ZNF519: variants seen among roughly 807,000 people sequenced by gnomAD.
ZNF519 encodes the protein zinc finger protein 519, also known as similar to Zinc finger protein 85 (Zinc finger protein HPF4) (HTF1).
In ZNF519, 7 loss-of-function variants were observed where a neutral mutation model predicts 7.4. The ratio of observed to expected loss-of-function variants is 0.94; its 90% CI spans 0.54 to 1.77. The LOEUF is 1.77. Ranked by LOEUF, ZNF519 falls within the 40% of genes most tolerant of loss-of-function variation. The probability of loss-of-function intolerance (pLI) is 0.00; values close to 1 mark genes in which losing one functional copy is unlikely to be tolerated. For missense variants in ZNF519, 586 were observed against 623.1 expected, an observed-to-expected ratio of 0.94 and a Z score of 0.63; for synonymous variants, 179 against 203.3, an observed-to-expected ratio of 0.88 and a Z score of 1.02.
intron 2 of ZNF519, among the ~76,000 whole-genome samples, chr18:14,092,923 A>G (rs1479477526): frequency 6.6e-6 from 1 of 152,210 alleles, no homozygotes; most frequent in African/African-American, 2.4e-5. Context: ...CATCCCTAGG[A>G]TAAAAGTGCC....
Position 14,106,367 on chromosome 18 carries a change from C to T in ZNF519, c.173G>A (p.Gly58Asp), listed in dbSNP as rs1436312561. Reference sequence around the variant, plus strand: ...TGCTTTTTTGAATGAATCTTGTATGCCTTGCTCTGGTAAAATGCCTTGGTT... The same window carrying T: ...TGCTTTTTTGAATGAATCTTGTATGTCTTGCTCTGGTAAAATGCCTTGGTT... ...YYNQGILPEQ[G>D]IQDSFKKATL... The change falls in exon 3 of 3, where the codon GGC (glycine) becomes GAC (aspartate). Residue 58 changes from glycine to aspartate, a missense_variant. Gly to Asp is a moderately conservative substitution (Grantham distance 94). Transcript: ENST00000590202. The T allele has an allele frequency of 6.2e-7, 1 of 1,606,964 alleles. No individual in the cohort carries two copies. Among genetic ancestry groups the T allele is most frequent in the South Asian group, 1.1e-5 (1 of 89,994 alleles).
intron 1 of ZNF519, among the ~76,000 whole-genome samples, chr18:14,127,032 TC>T (rs1409143546): frequency 1.3e-5 from 2 of 152,124 alleles, no homozygotes; most frequent in African/African-American, 4.8e-5. Flanking sequence ...AGCTGTAATA[TC>T]CCCTGTCCCT....
rs112704587 is a variant in ZNF519, at chr18:14,107,707, G to C, written c.131-1298C>G. On this transcript the variant is annotated intron_variant, in intron 2 of 2. Transcript: ENST00000590202. ...ACAAAAGGGACACCACTGACAAAAA[G>C]GGTGAGTACCAGGCCAAGCATCATT... Among the ~76,000 whole-genome samples the C allele has an allele frequency of 2.1e-4, 32 of 152,228 alleles. 1 individual carries two copies. Among genetic ancestry groups the C allele is most frequent in the African/African-American group, 7.0e-4 (29 of 41,518 alleles).
intron 2 of ZNF519, among the ~76,000 whole-genome samples, chr18:14,091,361 A>T (rs954547923): frequency 1.3e-5 from 2 of 152,190 alleles, no homozygotes; most frequent in African/African-American, 4.8e-5. Context: ...TGGAAAGCTG[A>T]GAAAAGTTGT....
rs2046161129 is a variant in ZNF519, at chr18:14,101,527, C to T, written c.*3390G>A. 2.5e-6 allele frequency: 1 copy of T among 396,876 alleles called. No homozygotes were observed. Among genetic ancestry groups the T allele is most frequent in the African/African-American group, 2.1e-5 (1 of 48,596 alleles). 24.6% of individuals were successfully genotyped at this position (396,876 alleles called of 1,614,324 possible). ...TGGGGCTGAAGGAAGGAAACAGACT[C>T]AGGGTCCCTTGGATTAAAACTGTGG... On this transcript the variant is annotated 3_prime_UTR_variant, in exon 3 of 3. Coordinates refer to ENST00000590202, the MANE Select transcript of ZNF519 (RefSeq NM_145287.4).
chr18:14,095,236 A>G (rs2046131169), downstream of ZNF519, among the ~76,000 whole-genome samples: 1 of 152,156 alleles, frequency 6.6e-6, no homozygotes, highest in Non-Finnish European at 1.5e-5. Context: ...GGAGACAGGG[A>G]AACTCCAGAG....
At chr18:14,093,767 A>G (rs1286774520) in intron 2 of ZNF519, among the ~76,000 whole-genome samples, 1 of 152,198 alleles carries the variant, frequency 6.6e-6, no homozygotes, top group Non-Finnish European at 1.5e-5. Flanking sequence ...CCTTATCTGA[A>G]CATGGCTTTA....
downstream of ZNF519, among the ~76,000 whole-genome samples, chr18:14,095,833 A>G (rs2046134214): frequency 6.6e-6 from 1 of 152,200 alleles, no homozygotes; most frequent in Non-Finnish European, 1.5e-5. Flanking sequence ...AAAAGGTAGG[A>G]GCAGTCTCTT....
At position 14,124,593 on chromosome 18, in the gene ZNF519, A is replaced by G. The variant is rs565701678; in HGVS notation, c.4-117T>C. The G allele has an allele frequency of 5.6e-3, 7,035 of 1,261,600 alleles. 21 individuals are homozygous for G. Among genetic ancestry groups the G allele is most frequent in the Non-Finnish European group, 6.6e-3 (5,890 of 899,068 alleles). 78.2% of individuals were successfully genotyped at this position (1,261,600 alleles called of 1,614,324 possible). On this transcript the variant is annotated intron_variant, in intron 1 of 2. Coordinates refer to ENST00000590202, the MANE Select transcript of ZNF519 (RefSeq NM_145287.4). ...GGATTATCTGATAAAATAACTTTTAACACAGTAATGTTCTCTAAAGCATTC... is the reference window on the plus strand; with the variant it reads ...GGATTATCTGATAAAATAACTTTTAGCACAGTAATGTTCTCTAAAGCATTC...
Position 14,101,655 on chromosome 18 carries a change from C to A in ZNF519, c.*3262G>T, listed in dbSNP as rs1039046044. On this transcript the variant is annotated 3_prime_UTR_variant, in exon 3 of 3. Coordinates refer to ENST00000590202, the MANE Select transcript of ZNF519 (RefSeq NM_145287.4). ...CATGTCTGGGCCCTGGTTATAGAGA[C>A]CATCTCTACACCCACACCCCAATCG... 1.0e-5 allele frequency: 4 copies of A among 398,580 alleles called. No homozygotes were observed. Among genetic ancestry groups the A allele is most frequent in the Non-Finnish European group, 1.8e-5 (4 of 226,100 alleles). The allele number at this position is 398,580 out of a possible 1,614,324, so 24.7% of individuals were successfully genotyped here.
exon 5 of ZNF519, chr18:14,076,468 G>C (rs2046048064): frequency 6.6e-6 from 1 of 151,924 alleles, no homozygotes; most frequent in Non-Finnish European, 1.5e-5. Context: ...GTAATCCAGG[G>C]GACATAAAAC....
At chr18:14,119,197 C>CA (rs2046259592) in intron 2 of ZNF519, among the ~76,000 whole-genome samples, 1 of 152,204 alleles carries the variant, frequency 6.6e-6, no homozygotes, top group South Asian at 2.1e-4. Context: ...CCCAGCTTTA[C>CA]AACGCTTCTT....
chr18:14,071,778 A>G (rs775144432), downstream of ZNF519: 2 of 152,218 alleles, frequency 1.3e-5, no homozygotes, highest in Non-Finnish European at 2.9e-5. Context: ...ACACATATGC[A>G]TTATCTGTAT....
intron 2 of ZNF519, among the ~76,000 whole-genome samples, chr18:14,120,763 C>G (rs1241789745): frequency 6.6e-6 from 1 of 151,948 alleles, no homozygotes; most frequent in Non-Finnish European, 1.5e-5. Context: ...CAAGGGAAAT[C>G]CTGTATGTTG....
chr18:14,115,077 T>C (rs2046239449), intron 2 of ZNF519, among the ~76,000 whole-genome samples: 1 of 152,206 alleles, frequency 6.6e-6, no homozygotes, highest in Admixed American at 6.5e-5. Context: ...TTTGTGGGAA[T>C]TCCAAAACAC....
intron 2 of ZNF519, among the ~76,000 whole-genome samples, chr18:14,094,861 G>T (rs8084159): frequency 0.24 from 36,860 of 151,802 alleles, 4,967 homozygotes; most frequent in African/African-American, 0.33. Context: ...TTTTGTTCAT[G>T]TTGTTTCCTG....
At chr18:14,088,829 T>C (rs1312022133) in intron 2 of ZNF519, among the ~76,000 whole-genome samples, 1 of 152,314 alleles carries the variant, frequency 6.6e-6, no homozygotes. Context: ...CTACAGCACA[T>C]ACTTAAGTAT....
At position 14,081,897 on chromosome 18, in the gene ZNF519, T is replaced by C. The variant is rs567372948; in HGVS notation, c.*177+2980A>G. Among the ~76,000 whole-genome samples, 10 of 152,260 alleles carry C rather than the reference T, an allele frequency of 6.6e-5. No homozygotes were observed. In the South Asian group the frequency reaches 1.7e-3, roughly 25 times the overall value. Reference sequence around the variant, plus strand: ...CATTAAGGGTAAATGTTCTTAAAATTTTATGCCAGATACAGTTTCTTTGAG... The same window carrying C: ...CATTAAGGGTAAATGTTCTTAAAATCTTATGCCAGATACAGTTTCTTTGAG... On this transcript the variant is annotated intron_variant and NMD_transcript_variant, in intron 3 of 4. Coordinates refer to the ZNF519 transcript ENST00000587419.
chr18:14,118,326 G>A (rs1598520672), intron 2 of ZNF519, among the ~76,000 whole-genome samples: 2 of 152,140 alleles, frequency 1.3e-5, no homozygotes, highest in East Asian at 1.9e-4. Flanking sequence ...CCAAAGTGCT[G>A]GGATTACAGG....
Sources: gnomAD v4.1 joint callset for allele counts (sites outside exome capture counted in the v4.1 genomes callset) on GRCh38, gnomAD v4.1.1 for gene constraint, MANE v1.5 for transcripts, NCBI Gene and HGNC (gene_info 2026-07-23, HGNC 2026-07-21) for gene names.